The following SLC26A7 variants were observed in gnomAD, a reference collection of about 807,000 sequenced individuals.
SLC26A7 encodes the protein anion exchange transporter.
In SLC26A7, 59 loss-of-function variants were observed where a neutral mutation model predicts 82.5. The ratio of observed to expected loss-of-function variants is 0.72; its 90% CI spans 0.58 to 0.89. The LOEUF (loss-of-function observed/expected upper bound fraction) is 0.89, where lower values mean the gene tolerates loss of function less well. Ranked by LOEUF, SLC26A7 falls within the 40% of genes least tolerant of loss-of-function variation. The pLI is 0.00. For missense variants in SLC26A7, 820 were observed against 793.0 expected (o/e 1.03, Z -0.41); for synonymous variants, 271 against 274.3 (o/e 0.99, Z 0.12).
intron 1 of SLC26A7, among the ~76,000 whole-genome samples, chr8:91,215,466 A>C (rs1163519372): frequency 2.0e-5 from 3 of 152,298 alleles, no homozygotes; most frequent in African/African-American, 7.2e-5. Flanking sequence ...AACAAACATA[A>C]AACTTAGCAA....
intron 11 of SLC26A7, among the ~76,000 whole-genome samples, chr8:91,362,144 C>A (rs1395642518): frequency 6.6e-6 from 1 of 152,040 alleles, no homozygotes; most frequent in Non-Finnish European, 1.5e-5. Context: ...AAAGAAGAAA[C>A]TTTTTCCCAC....
chr8:91,271,998 G>A (rs1012488224), intron 2 of SLC26A7, among the ~76,000 whole-genome samples: 4 of 152,154 alleles, frequency 2.6e-5, no homozygotes, highest in Non-Finnish European at 5.9e-5. Context: ...GGGAAAGAGT[G>A]TCAGGATCTA....
intron 8 of SLC26A7, 87 bp downstream of exon 8, chr8:91,340,638 A>C (rs1391522703): frequency 3.9e-6 from 6 of 1,539,366 alleles, no homozygotes; most frequent in Non-Finnish European, 5.4e-6. Flanking sequence ...ACTTATGAAA[A>C]ATAAAACTTT....
intron 14 of SLC26A7, among the ~76,000 whole-genome samples, chr8:91,369,096 C>T (rs762131488): frequency 1.3e-5 from 2 of 152,140 alleles, no homozygotes; most frequent in African/African-American, 2.4e-5. Context: ...TTAACCCATG[C>T]TCTTACTAGT....
intron 4 of SLC26A7, among the ~76,000 whole-genome samples, chr8:91,309,044 T>C (rs1812403128): frequency 6.6e-6 from 1 of 152,128 alleles, no homozygotes; most frequent in Admixed American, 6.6e-5. Context: ...TGCTTATTGC[T>C]ACTGGGGTGT....
chr8:91,298,397 T>C (rs560880705), intron 4 of SLC26A7, among the ~76,000 whole-genome samples: 20 of 152,180 alleles, frequency 1.3e-4, no homozygotes, highest in Non-Finnish European at 2.8e-4. Flanking sequence ...GAACAATAAA[T>C]TTCTGATTTT....
chr8:91,260,364 C>G (rs1022833268), intron 2 of SLC26A7, among the ~76,000 whole-genome samples: 3 of 152,126 alleles, frequency 2.0e-5, no homozygotes, highest in African/African-American at 7.2e-5. Flanking sequence ...CCTACCATAT[C>G]CCTCCCTTGA....
chr8:91,351,820 T>G lies in SLC26A7; in HGVS notation c.1151T>G (p.Leu384Arg), dbSNP rs1462460893. ...STGAKTQVAC[L>R]ISCIFVLIVI... ...TCTTGTATTTTACAGGTGGCTTGTC[T>G]AATATCTTGCATTTTCGTCCTTATA... Residue 384 changes from leucine to arginine, a missense_variant, in exon 10 of 19, where the codon CTA becomes CGA. By Grantham distance (102) the Leu-to-Arg change is moderately radical. Transcript: ENST00000276609. 6.2e-7 allele frequency: 1 copy of G among 1,611,218 alleles called. No homozygotes were observed. Among genetic ancestry groups the G allele is most frequent in the Non-Finnish European group, 8.5e-7 (1 of 1,177,788 alleles).
At chr8:91,225,693 A>G (rs1216849231) in intron 2 of SLC26A7, among the ~76,000 whole-genome samples, 2 of 101,480 alleles carry the variant, frequency 2.0e-5, no homozygotes, top group African/African-American at 4.0e-5. Flanking sequence ...TAACCCCATG[A>G]TCTCAGCTAC....
intron 9 of SLC26A7, chr8:91,344,283 G>A (rs1813500684): frequency 1.2e-6 from 1 of 841,754 alleles, no homozygotes; most frequent in South Asian, 5.4e-5. Context: ...AGGTCATAGA[G>A]GTAGTAAATG....
intron 15 of SLC26A7, among the ~76,000 whole-genome samples, chr8:91,372,893 A>T: frequency 6.6e-6 from 1 of 151,742 alleles, no homozygotes; most frequent in Non-Finnish European, 1.5e-5. Context: ...TGTCATCTGC[A>T]ATTTCTTTCA....
chr8:91,372,944 C>T (rs1814407062), intron 15 of SLC26A7, among the ~76,000 whole-genome samples: 1 of 151,820 alleles, frequency 6.6e-6, no homozygotes, highest in Non-Finnish European at 1.5e-5. Context: ...CTTTCACGTC[C>T]TTGTGTAAAT....
chr8:91,271,169 C>A (rs1489142773), intron 2 of SLC26A7, among the ~76,000 whole-genome samples: 1 of 152,152 alleles, frequency 6.6e-6, no homozygotes, highest in Admixed American at 6.5e-5. Context: ...CCAACCATTC[C>A]ATTTCACATT....
chr8:91,293,828 CTT>C (rs887239520), intron 3 of SLC26A7, among the ~76,000 whole-genome samples: 75 of 152,300 alleles, frequency 4.9e-4, no homozygotes, highest in African/African-American at 1.8e-3. Flanking sequence ...AGACAAACCT[CTT>C]TACTCTCAGA....
intron 5 of SLC26A7, among the ~76,000 whole-genome samples, chr8:91,326,371 T>A (rs1486752942): frequency 6.6e-6 from 1 of 152,096 alleles, no homozygotes; most frequent in Non-Finnish European, 1.5e-5. Context: ...CTGACAGGAC[T>A]GGTTTCTTTT....
intron 11 of SLC26A7, among the ~76,000 whole-genome samples, chr8:91,357,916 A>G (rs1004833014): frequency 2.0e-5 from 3 of 152,244 alleles, no homozygotes; most frequent in Admixed American, 6.5e-5. Context: ...ATTTACAAGA[A>G]AAAGAAAACA....
chr8:91,275,675 G>T (rs766594596), intron 2 of SLC26A7, among the ~76,000 whole-genome samples: 30 of 152,060 alleles, frequency 2.0e-4, no homozygotes, highest in Non-Finnish European at 3.2e-4. Context: ...TTAGCTTATT[G>T]TGCATAAACT....
chr8:91,343,131 G>A (rs1402793472), intron 8 of SLC26A7: 1 of 474,606 alleles, frequency 2.1e-6, no homozygotes, highest in Non-Finnish European at 3.8e-6. Flanking sequence ...TCCCTATAAG[G>A]TTGTTCTGAG....
chr8:91,327,650 G>C (rs1812969378), intron 5 of SLC26A7, among the ~76,000 whole-genome samples: 1 of 152,040 alleles, frequency 6.6e-6, no homozygotes, highest in South Asian at 2.1e-4. Flanking sequence ...TAATTTATTG[G>C]GAATTAAGAA....
Sources: gnomAD v4.1 joint callset for allele counts (sites outside exome capture counted in the v4.1 genomes callset) on GRCh38, gnomAD v4.1.1 for gene constraint, MANE v1.5 for transcripts, NCBI Gene and HGNC (gene_info 2026-07-23, HGNC 2026-07-21) for gene names.